Variants in KCNJ3 observed in about 807,000 individuals in gnomAD.
KCNJ3 encodes potassium inwardly rectifying channel subfamily J member 3, also known as G protein-activated inward rectifier potassium channel 1.
In KCNJ3, 4 loss-of-function variants were observed where a neutral mutation model predicts 39.2. The observed-to-expected ratio is 0.10, with a 90% CI of 0.05 to 0.23. The LOEUF is 0.23. Among genes scored for constraint, KCNJ3 ranks in the 10% least tolerant of loss-of-function variants. The probability of loss-of-function intolerance (pLI) is 1.00; values close to 1 mark genes in which losing one functional copy is unlikely to be tolerated. For synonymous variants in KCNJ3, 230 were observed against 237.4 expected (o/e 0.97, Z 0.29); for missense variants, 276 against 634.9 (o/e 0.43, Z 6.08).
chr2:154,828,622 G>A (rs1574477522), intron 2 of KCNJ3, among the ~76,000 whole-genome samples: 1 of 152,202 alleles, frequency 6.6e-6, no homozygotes, highest in Admixed American at 6.5e-5. Flanking sequence ...GACCAAACTG[G>A]GCTGTTCTAG....
chr2:154,806,031 T>A (rs1435004994), intron 2 of KCNJ3, among the ~76,000 whole-genome samples: 2 of 152,230 alleles, frequency 1.3e-5, no homozygotes, highest in Non-Finnish European at 2.9e-5. Context: ...TGTCAAATTA[T>A]AAAGATATAT....
At chr2:154,849,892 A>T (rs956681499) in intron 2 of KCNJ3, among the ~76,000 whole-genome samples, 2 of 152,098 alleles carry the variant, frequency 1.3e-5, no homozygotes, top group South Asian at 4.1e-4. Flanking sequence ...AAAAGGTTAG[A>T]CTATGTTGCT....
intron 2 of KCNJ3, among the ~76,000 whole-genome samples, chr2:154,783,923 A>T (rs1011523723): frequency 6.6e-6 from 1 of 152,226 alleles, no homozygotes; most frequent in Non-Finnish European, 1.5e-5. Flanking sequence ...TAATTTCCTG[A>T]ACATATACAA....
intron 2 of KCNJ3, among the ~76,000 whole-genome samples, chr2:154,781,242 A>C (rs1013532541): frequency 1.3e-4 from 20 of 152,132 alleles, no homozygotes; most frequent in African/African-American, 4.6e-4. Context: ...CAGGTTTTTA[A>C]TTTATAGAAC....
chr2:154,833,521 T>C (rs1052391714), intron 2 of KCNJ3, among the ~76,000 whole-genome samples: 10 of 152,158 alleles, frequency 6.6e-5, no homozygotes, highest in African/African-American at 2.4e-4. Flanking sequence ...TCTGTTATAA[T>C]CAATGAACCA....
At chr2:154,737,105 G>A (rs563089875) in intron 2 of KCNJ3, among the ~76,000 whole-genome samples, 1 of 152,160 alleles carries the variant, frequency 6.6e-6, no homozygotes, top group African/African-American at 2.4e-5. Flanking sequence ...CCAGAGGTGA[G>A]GAGGAACCAC....
In KCNJ3 at chr2:154,854,870, C is replaced by T; in HGVS notation, c.1063C>T (p.Pro355Ser). ...TGCAACATTTGAAGTCCCCACCCCA[C>T]CTTACAGTGTGAAAGAGCAGGAGGA... ...FHATFEVPTP[P>S]YSVKEQEEML... is the part of the protein sequence containing the mutation. Residue 355 changes from proline to serine, a missense_variant, in exon 3 of 3, where the codon CCT becomes TCT. Pro to Ser is a moderately conservative substitution (Grantham distance 74). This residue lies in a region of KCNJ3 where 126 missense variants were observed against 179.8 expected (regional missense o/e 0.70). Coordinates refer to ENST00000295101, the MANE Select transcript of KCNJ3 (RefSeq NM_002239.4). The T allele has an allele frequency of 1.8e-5, 29 of 1,614,006 alleles. No individual in the cohort carries two copies. The highest frequency in any genetic ancestry group is 2.5e-5 in the Non-Finnish European group (29 of 1,179,956).
At chr2:154,822,699 T>C (rs893245290) in intron 2 of KCNJ3, among the ~76,000 whole-genome samples, 3 of 152,066 alleles carry the variant, frequency 2.0e-5, no homozygotes, top group Non-Finnish European at 2.9e-5. Context: ...ATTAATATGC[T>C]AATTAGATAT....
intron 2 of KCNJ3, among the ~76,000 whole-genome samples, chr2:154,834,177 G>GTGAT (rs1350066741): frequency 1.3e-5 from 2 of 152,134 alleles, no homozygotes; most frequent in African/African-American, 4.8e-5. Context: ...GAGAGTTCTT[G>GTGAT]TGATTCCATA....
chr2:154,794,891 C>T (rs1255416105), intron 2 of KCNJ3, among the ~76,000 whole-genome samples: 1 of 151,910 alleles, frequency 6.6e-6, no homozygotes, highest in African/African-American at 2.4e-5. Flanking sequence ...TAAAAGAAAG[C>T]CTACTACTCG....
At chr2:154,779,037 A>G (rs888675615) in intron 2 of KCNJ3, among the ~76,000 whole-genome samples, 1 of 152,136 alleles carries the variant, frequency 6.6e-6, no homozygotes, top group African/African-American at 2.4e-5. Flanking sequence ...TGCTTGGCAA[A>G]TGGTCAGTAC....
At chr2:154,798,507 G>A (rs1431194836) in intron 2 of KCNJ3, among the ~76,000 whole-genome samples, 1 of 152,110 alleles carries the variant, frequency 6.6e-6, no homozygotes, top group East Asian at 1.9e-4. Flanking sequence ...GGGATGACTA[G>A]CCTTTCTCGT....
At chr2:154,846,139 A>C (rs987845700) in intron 2 of KCNJ3, among the ~76,000 whole-genome samples, 11 of 152,312 alleles carry the variant, frequency 7.2e-5, no homozygotes, top group African/African-American at 2.4e-4. Context: ...AGAGCAGGCC[A>C]GGTTGACAGT....
chr2:154,740,725 CA>C (rs1347259730), intron 2 of KCNJ3, among the ~76,000 whole-genome samples: 2 of 151,668 alleles, frequency 1.3e-5, no homozygotes, highest in African/African-American at 2.4e-5. Context: ...TTTATATAAT[CA>C]AAAAAATGAC....
intron 2 of KCNJ3, among the ~76,000 whole-genome samples, chr2:154,840,164 G>A (rs1280735641): frequency 6.6e-6 from 1 of 152,164 alleles, no homozygotes. Flanking sequence ...TGGCTAGCCA[G>A]TTTTCCCAGC....
At chr2:154,851,351 A>G (rs1687753042) in intron 2 of KCNJ3, among the ~76,000 whole-genome samples, 1 of 152,240 alleles carries the variant, frequency 6.6e-6, no homozygotes, top group Non-Finnish European at 1.5e-5. Context: ...CATCACACAT[A>G]TTAAGGCACC....
chr2:154,755,500 AG>A (rs766413885), intron 2 of KCNJ3, among the ~76,000 whole-genome samples: 3 of 151,226 alleles, frequency 2.0e-5, no homozygotes, highest in Non-Finnish European at 4.4e-5. Context: ...GCCATAAAAA[AG>A]GTTAAGGATA....
intron 2 of KCNJ3, among the ~76,000 whole-genome samples, chr2:154,711,772 A>G (rs1288394062): frequency 1.3e-5 from 2 of 152,066 alleles, no homozygotes; most frequent in African/African-American, 2.4e-5. Context: ...AATTTTACCT[A>G]TTTTTCAGAG....
At chr2:154,703,249 A>G (rs1319560918) in intron 1 of KCNJ3, among the ~76,000 whole-genome samples, 4 of 152,098 alleles carry the variant, frequency 2.6e-5, no homozygotes, top group Non-Finnish European at 4.4e-5. Context: ...AAAATAAACT[A>G]TGGTTGCATT....
Sources: allele counts gnomAD v4.1 joint callset (sites outside exome capture counted in the v4.1 genomes callset), GRCh38; gene constraint gnomAD v4.1.1; regional missense constraint gnomAD v4.1.1; transcripts MANE v1.5; gene names NCBI Gene and HGNC (gene_info 2026-07-23, HGNC 2026-07-21).